ABHD17B: variants seen among roughly 807,000 people sequenced by gnomAD.
ABHD17B encodes the protein abhydrolase domain containing 17B, depalmitoylase.
A neutral mutation model predicts 26.2 loss-of-function variants in ABHD17B; 9 were observed. That is an observed-to-expected ratio of 0.34 (90% CI 0.21 to 0.60). The LOEUF (loss-of-function observed/expected upper bound fraction) is 0.60, where lower values mean the gene tolerates loss of function less well. ABHD17B is among the 20% of genes least tolerant of loss of function. The pLI, the probability that ABHD17B is intolerant of heterozygous loss-of-function variation, is 0.80. For missense variants in ABHD17B, 224 were observed against 352.1 expected, an observed-to-expected ratio of 0.64 and a Z score of 2.91; for synonymous variants, 127 against 122.3, an observed-to-expected ratio of 1.04 and a Z score of -0.25.
intron 1 of ABHD17B, among the ~76,000 whole-genome samples, chr9:71,909,172 T>C (rs1202323319): frequency 6.6e-6 from 1 of 152,202 alleles, no homozygotes; most frequent in Non-Finnish European, 1.5e-5. Context: ...AAATTAAAAC[T>C]GCCTAGCCTG....
At chr9:71,905,087 T>A (rs547823318) in intron 1 of ABHD17B, among the ~76,000 whole-genome samples, 3 of 152,188 alleles carry the variant, frequency 2.0e-5, no homozygotes, top group African/African-American at 7.2e-5. Flanking sequence ...AGACAACATA[T>A]TTAAAGTGAA....
At chr9:71,889,173 C>T (rs1272418751) in intron 1 of ABHD17B, among the ~76,000 whole-genome samples, 1 of 151,842 alleles carries the variant, frequency 6.6e-6, no homozygotes, top group Non-Finnish European at 1.5e-5. Flanking sequence ...AAAAATTAGC[C>T]AGGCGTGGTG....
chr9:71,885,923 TAA>T (rs1488769520), intron 1 of ABHD17B, among the ~76,000 whole-genome samples: 1 of 152,198 alleles, frequency 6.6e-6, no homozygotes, highest in Non-Finnish European at 1.5e-5. Context: ...GAACTAGCAT[TAA>T]AAGTCTTTAA....
At chr9:71,908,890 G>A (rs189012715) in intron 1 of ABHD17B, among the ~76,000 whole-genome samples, 1 of 152,292 alleles carries the variant, frequency 6.6e-6, no homozygotes, top group East Asian at 1.9e-4. Context: ...CTATATTACA[G>A]ATGGAGAAAA....
chr9:71,879,794 C>T (rs968697792), intron 1 of ABHD17B, among the ~76,000 whole-genome samples: 1 of 152,150 alleles, frequency 6.6e-6, no homozygotes, highest in African/African-American at 2.4e-5. Flanking sequence ...TTCAACAATC[C>T]TCTGCTTTAG....
intron 1 of ABHD17B, among the ~76,000 whole-genome samples, chr9:71,882,981 T>A (rs1310121984): frequency 6.6e-6 from 1 of 151,652 alleles, no homozygotes; most frequent in Non-Finnish European, 1.5e-5. Context: ...CTATCTCTAC[T>A]AAAAATGCAA....
At chr9:71,880,063 A>G (rs899520714) in intron 1 of ABHD17B, among the ~76,000 whole-genome samples, 3 of 152,232 alleles carry the variant, frequency 2.0e-5, no homozygotes, top group African/African-American at 4.8e-5. Context: ...AAATGAAAGA[A>G]TATCATGTGT....
intron 2 of ABHD17B, among the ~76,000 whole-genome samples, chr9:71,872,282 T>C (rs1826136425): frequency 6.6e-6 from 1 of 152,194 alleles, no homozygotes; most frequent in East Asian, 1.9e-4. Flanking sequence ...AAAATATAAG[T>C]GCTAAAATAG....
At chr9:71,906,899 G>A (rs1827302222) in intron 1 of ABHD17B, among the ~76,000 whole-genome samples, 1 of 152,070 alleles carries the variant, frequency 6.6e-6, no homozygotes, top group South Asian at 2.1e-4. Flanking sequence ...GGATTCTGAT[G>A]TTGCTGGTCG....
intron 2 of ABHD17B, among the ~76,000 whole-genome samples, chr9:71,871,563 G>A (rs569192667): frequency 6.6e-6 from 1 of 152,336 alleles, no homozygotes; most frequent in Non-Finnish European, 1.5e-5. Flanking sequence ...TATCAGCATT[G>A]TTGGTGGCAA....
intron 3 of ABHD17B, among the ~76,000 whole-genome samples, chr9:71,869,075 T>C (rs1826039994): frequency 6.6e-6 from 1 of 152,210 alleles, no homozygotes; most frequent in African/African-American, 2.4e-5. Flanking sequence ...ACAACAACAC[T>C]GATATGGGGA....
intron 1 of ABHD17B, among the ~76,000 whole-genome samples, chr9:71,910,168 AT>A (rs1314365072): frequency 6.6e-6 from 1 of 152,136 alleles, no homozygotes; most frequent in Non-Finnish European, 1.5e-5. Flanking sequence ...CGACAGAGAT[AT>A]AAGGACATTC....
chr9:71,905,204 C>CGAA, intron 1 of ABHD17B, among the ~76,000 whole-genome samples: 1 of 151,536 alleles, frequency 6.6e-6, no homozygotes, highest in East Asian at 2.0e-4. Context: ...CTCACTGCAA[C>CGAA]CTCTGCCTCC....
chr9:71,866,718 T>G lies in ABHD17B; in HGVS notation c.*69A>C. 1 of 1,578,054 alleles carries G rather than the reference T, an allele frequency of 6.3e-7. No individual in the cohort carries two copies. Among genetic ancestry groups the G allele is most frequent in the Non-Finnish European group, 8.6e-7 (1 of 1,162,098 alleles). On this transcript the variant is annotated 3_prime_UTR_variant, in exon 4 of 4. Coordinates refer to ENST00000333421, the MANE Select transcript of ABHD17B (RefSeq NM_001025780.3). ...TGATTTGCAAACAAAACCTTCAGGT[T>G]TTATGTTATTTACCAAAGAGTGCAG...
intron 1 of ABHD17B, among the ~76,000 whole-genome samples, chr9:71,897,041 T>C (rs1183773576): frequency 1.3e-5 from 2 of 152,192 alleles, no homozygotes; most frequent in Non-Finnish European, 1.5e-5. Context: ...GACACATGAA[T>C]TTATAACTAG....
At position 71,865,667 on chromosome 9, in the gene ABHD17B, C is replaced by T. The variant is rs1825937327; in HGVS notation, c.*1120G>A. 1.3e-6 allele frequency: 1 copy of T among 760,628 alleles called. No individual in the cohort carries two copies. Among genetic ancestry groups the T allele is most frequent in the Non-Finnish European group, 1.6e-6 (1 of 625,180 alleles). The allele number at this position is 760,628 out of a possible 1,614,324, so 47.1% of individuals were successfully genotyped here. On this transcript the variant is annotated 3_prime_UTR_variant, in exon 4 of 4. Transcript: ENST00000333421. Reference sequence around the variant, plus strand: ...CATGAGGTCAGGAGTTCAAGACCAGCCTGATCAACATGGCAAAACCCTGTC... The same window carrying T: ...CATGAGGTCAGGAGTTCAAGACCAGTCTGATCAACATGGCAAAACCCTGTC...
intron 2 of ABHD17B, among the ~76,000 whole-genome samples, chr9:71,870,468 T>C (rs1210642977): frequency 6.6e-6 from 1 of 152,234 alleles, no homozygotes; most frequent in African/African-American, 2.4e-5. Flanking sequence ...CTACTTCATC[T>C]TTTGGAAGAA....
Position 71,866,732 on chromosome 9 carries a change from C to G in ABHD17B, c.*55G>C, listed in dbSNP as rs1825966570. ...AACCTTCAGGTTTTATGTTATTTAC[C>G]AAAGAGTGCAGTTCAGCAAGAAAGG... is the stretch of plus-strand genomic sequence containing the variant. On this transcript the variant is annotated 3_prime_UTR_variant, in exon 4 of 4. Transcript: ENST00000333421. The G allele has an allele frequency of 1.9e-6, 3 of 1,596,702 alleles. No individual in the cohort carries two copies. The highest frequency in any genetic ancestry group is 2.6e-6 in the Non-Finnish European group (3 of 1,171,030).
chr9:71,903,513 AGAT>A (rs1827202101), intron 1 of ABHD17B, among the ~76,000 whole-genome samples: 1 of 152,246 alleles, frequency 6.6e-6, no homozygotes, highest in African/African-American at 2.4e-5. Flanking sequence ...TTCAACTGCA[AGAT>A]GATACATATC....
Sources: gnomAD v4.1 joint callset for allele counts (sites outside exome capture counted in the v4.1 genomes callset) on GRCh38, gnomAD v4.1.1 for gene constraint, MANE v1.5 for transcripts, NCBI Gene and HGNC (gene_info 2026-07-23, HGNC 2026-07-21) for gene names.